THRA: variants seen among roughly 807,000 people sequenced by gnomAD.
THRA encodes thyroid hormone receptor alpha, also known as EAR-7.
In THRA, 13 loss-of-function variants were observed where a neutral mutation model predicts 45.0. The observed-to-expected ratio is 0.29, with a 90% CI of 0.19 to 0.46. THRA has a LOEUF of 0.46. Among genes scored for constraint, THRA ranks in the 20% least tolerant of loss-of-function variants. The pLI is 1.00. For missense variants in THRA, 278 were observed against 556.1 expected, an observed-to-expected ratio of 0.50 and a Z score of 5.03; for synonymous variants, 195 against 214.0, an observed-to-expected ratio of 0.91 and a Z score of 0.78.
intron 2 of THRA, 89 bp downstream of exon 2, chr17:40,074,630 C>A: frequency 7.0e-7 from 1 of 1,428,600 alleles, no homozygotes; most frequent in Non-Finnish European, 9.8e-7. Context: ...CGCCTTTAAG[C>A]ACCTCTGTGG....
chr17:40,085,210 T>A (rs1408311061), intron 6 of THRA, among the ~76,000 whole-genome samples: 1 of 152,144 alleles, frequency 6.6e-6, no homozygotes, highest in Non-Finnish European at 1.5e-5. Flanking sequence ...AAATGATGAG[T>A]TTGGGACCAG....
At chr17:40,093,327 C>G (rs201804855), downstream of THRA, 16 of 1,613,286 alleles carry the variant, frequency 9.9e-6, no homozygotes, top group Admixed American at 2.3e-4. This position sits in a 1 kb window ranked among gnomAD's most constrained non-coding sequence, Gnocchi z 5.9. Context: ...CCGAGCTCCT[C>G]TGAGGAGGAA....
rs34826591 is a variant in THRA, at chr17:40,090,201, A to G, written c.*745A>G. 0.051 allele frequency: 10,020 copies of G among 195,164 alleles called. 307 individuals are homozygous for G. The highest frequency in any genetic ancestry group is 0.079 in the African/African-American group (3,175 of 40,436). The allele number at this position is 195,164 out of a possible 1,614,324, so 12.1% of individuals were successfully genotyped here. ...GAAATGCCCCCACACCAGAGCCCCA[A>G]GGGTAGGGCTGCCGATCAGAGCTGT... On this transcript the variant is annotated 3_prime_UTR_variant, in exon 9 of 9. Transcript: ENST00000450525.
chr17:40,086,983 A>G, intron 7 of THRA, 130 bp downstream of exon 7: 1 of 1,206,552 alleles, frequency 8.3e-7, no homozygotes, highest in Non-Finnish European at 1.2e-6. Flanking sequence ...ATACACAGAT[A>G]ACATACACAG....
intron 2 of THRA, among the ~76,000 whole-genome samples, chr17:40,075,260 C>T (rs796728025): frequency 3.2e-4 from 47 of 148,374 alleles, no homozygotes; most frequent in Middle Eastern, 3.4e-3. Context: ...TGGCACGGTG[C>T]CCTGGGAGCT....
intron 5 of THRA, among the ~76,000 whole-genome samples, 166 bp downstream of exon 5, chr17:40,084,148 G>C (rs1464452801): frequency 6.6e-6 from 1 of 152,070 alleles, no homozygotes; most frequent in Admixed American, 6.6e-5. Context: ...TCCTTCCTGC[G>C]CAAAAGGAAA....
At chr17:40,093,612 C>T, downstream of THRA, 2 of 716,728 alleles carry the variant, frequency 2.8e-6, no homozygotes, top group Non-Finnish European at 4.5e-6. The surrounding 1 kb of genome is among the most constrained non-coding windows in gnomAD (Gnocchi z 5.9). Context: ...CCTTTCTCTG[C>T]CTGGCAACAT....
At chr17:40,070,098 C>G (rs1334911977) in intron 1 of THRA, among the ~76,000 whole-genome samples, 6 of 152,058 alleles carry the variant, frequency 3.9e-5, no homozygotes, top group South Asian at 2.1e-4. Flanking sequence ...CTCCCATTCT[C>G]TAGCCTCTAA....
Position 40,074,467 on chromosome 17 carries a change from A to C in THRA, c.-22A>C, listed in dbSNP as rs757127677. On this transcript the variant is annotated 5_prime_UTR_variant, in exon 2 of 9. Transcript: ENST00000450525. ...CCAGTCTCTTGGCGTGCTGGAGGGC[A>C]TCCTGGATGGAATTGAAGTGAATGG... 10 of 1,613,860 alleles carry C rather than the reference A, an allele frequency of 6.2e-6. No homozygotes were observed. The Admixed American group carries it at 1.2e-4, about 19-fold the overall frequency.
chr17:40,079,688 A>C (rs1987072511), intron 4 of THRA, among the ~76,000 whole-genome samples: 1 of 152,188 alleles, frequency 6.6e-6, no homozygotes, highest in African/African-American at 2.4e-5. Context: ...TGTTTTAAAC[A>C]CTTCAAGTGA....
chr17:40,086,986 A>T, intron 7 of THRA, 133 bp downstream of exon 7: 1 of 1,190,418 alleles, frequency 8.4e-7, no homozygotes, highest in Non-Finnish European at 1.2e-6. Flanking sequence ...CACAGATAAC[A>T]TACACAGACA....
At chr17:40,087,571 A>G (rs1204019720) in intron 7 of THRA, among the ~76,000 whole-genome samples, 1 of 152,096 alleles carries the variant, frequency 6.6e-6, no homozygotes, top group African/African-American at 2.4e-5. Flanking sequence ...ACAGCCCCTC[A>G]TCCTTCAAGT....
At position 40,089,237 on chromosome 17, in the gene THRA, C is replaced by T. The variant is rs1258125250; in HGVS notation, c.1014C>T (p.Ile338=). 26 of 1,613,864 alleles carry T rather than the reference C, an allele frequency of 1.6e-5. No individual in the cohort carries two copies. Among genetic ancestry groups the T allele is most frequent in the East Asian group, 2.2e-5 (1 of 44,858 alleles). The change falls in exon 9 of 9, where the codon ATC becomes ATT. Residue 338 remains isoleucine (I), a synonymous_variant. Transcript: ENST00000450525. The surrounding 1 kb of genome is among the most constrained non-coding windows in gnomAD (Gnocchi z 6.1). The stretch of plus-strand genomic sequence containing the variant: ...CGGGCCTGCTGTGTGTGGACAAGAT[C>T]GAGAAGAGTCAGGAGGCGTACCTGC... ...DRSGLLCVDK[I]EKSQEAYLLA... is the part of the protein sequence containing the mutation.
chr17:40,092,920 G>A lies in THRA; in HGVS notation c.*3464G>A, dbSNP rs1987638044. The A allele has an allele frequency of 5.4e-6, 8 of 1,486,278 alleles. No individual in the cohort carries two copies. In the South Asian group the frequency reaches 5.5e-5, roughly 10 times the overall value. 92.1% of individuals were successfully genotyped at this position (1,486,278 alleles called of 1,614,324 possible). Reference sequence around the variant, plus strand: ...GTTCGGTGATGGGGGAGGGAGGCAGGTATTTACAAGAAGGCTCAGGGGGCC... The same window carrying A: ...GTTCGGTGATGGGGGAGGGAGGCAGATATTTACAAGAAGGCTCAGGGGGCC... On this transcript the variant is annotated 3_prime_UTR_variant, in exon 9 of 9. Coordinates refer to ENST00000450525, the MANE Select transcript of THRA (RefSeq NM_199334.5).
chr17:40,087,227 A>G (rs1162828610), intron 7 of THRA, among the ~76,000 whole-genome samples: 4 of 149,466 alleles, frequency 2.7e-5, no homozygotes, highest in Non-Finnish European at 3.0e-5. Context: ...ACACACAGAC[A>G]CACACCCAGC....
intron 1 of THRA, among the ~76,000 whole-genome samples, chr17:40,073,154 G>A (rs1227954681): frequency 1.3e-4 from 20 of 152,294 alleles, no homozygotes. Flanking sequence ...CAGCAGCCAC[G>A]TGACAGAGGT....
At chr17:40,077,888 G>A (rs891196040) in intron 4 of THRA, among the ~76,000 whole-genome samples, 2 of 152,152 alleles carry the variant, frequency 1.3e-5, no homozygotes, top group African/African-American at 2.4e-5. Flanking sequence ...TAGTAGAGAC[G>A]GGGTTTCACT....
At chr17:40,074,798 T>C (rs543930118) in intron 2 of THRA, among the ~76,000 whole-genome samples, 1 of 152,324 alleles carries the variant, frequency 6.6e-6, no homozygotes, top group South Asian at 2.1e-4. Flanking sequence ...TCCCTAGACA[T>C]TGCTGGGCAG....
At chr17:40,078,054 A>G (rs1246908187) in intron 4 of THRA, among the ~76,000 whole-genome samples, 1 of 152,202 alleles carries the variant, frequency 6.6e-6, no homozygotes, top group African/African-American at 2.4e-5. Flanking sequence ...TGCCACTCAC[A>G]GGAAAATTGC....
Sources: allele counts gnomAD v4.1 joint callset (sites outside exome capture counted in the v4.1 genomes callset), GRCh38; gene constraint gnomAD v4.1.1; non-coding constraint Gnocchi (gnomAD v3.1); transcripts MANE v1.5; gene names NCBI Gene and HGNC (gene_info 2026-07-23, HGNC 2026-07-21).